The following CCDC196 variants were observed in gnomAD, a reference collection of about 807,000 sequenced individuals.
CCDC196 encodes coiled-coil domain-containing protein 196.
intron 6 of CCDC196, 47 bp downstream of exon 6, chr14:66,491,151 T>C: frequency 2.4e-6 from 1 of 412,276 alleles, no homozygotes; most frequent in South Asian, 1.3e-4. Flanking sequence ...GCTAGTAAAC[T>C]AGAAATCTTT....
intron 8 of CCDC196, among the ~76,000 whole-genome samples, chr14:66,495,136 A>C (rs1446942658): frequency 6.6e-6 from 1 of 152,086 alleles, no homozygotes; most frequent in Non-Finnish European, 1.5e-5. Flanking sequence ...TAATTTTCTC[A>C]CTGTGATTTA....
intron 8 of CCDC196, chr14:66,496,173 G>A (rs1344239503): frequency 2.3e-6 from 1 of 438,594 alleles, no homozygotes; most frequent in East Asian, 7.0e-5. Context: ...CTTAGAGAAA[G>A]GGTGGAATAT....
Position 66,490,821 on chromosome 14 carries a change from C to T in CCDC196, c.429+2C>T, listed in dbSNP as rs2057517339. 2.5e-6 allele frequency: 1 copy of T among 399,900 alleles called. No individual in the cohort carries two copies. Among genetic ancestry groups the T allele is most frequent in the African/African-American group, 2.1e-5 (1 of 48,628 alleles). 24.8% of individuals were successfully genotyped at this position (399,900 alleles called of 1,614,324 possible). A position where few individuals can be genotyped will look rare whatever the true frequency, so the allele number is the denominator to read the frequency against. On this transcript the variant is annotated splice_donor_variant, in intron 5 of 9. Coordinates refer to ENST00000636229, the MANE Select transcript of CCDC196 (RefSeq NM_001351576.1). LOFTEE classifies it low-confidence loss of function (GC_TO_GT_DONOR). ...AAGGCAGACTTGCAGGATGGAAAGG[C>T]AAGTGGACTGCATGTACTTAAAATT...
In CCDC196 at chr14:66,488,150, TTTC is replaced by T. The variant is rs2057452292; in HGVS notation, c.204-5_204-3del. 3 of 412,918 alleles carry T rather than the reference TTTC, an allele frequency of 7.3e-6. No homozygotes were observed. Among genetic ancestry groups the T allele is most frequent in the Middle Eastern group, 6.2e-4 (1 of 1,610 alleles). 25.6% of individuals were successfully genotyped at this position (412,918 alleles called of 1,614,324 possible). ...GTATGTATGTTTTATGATGCCTCTC[TTTC>T]TTCTAGTCTTCAGATCATGAGACAG... On this transcript the variant is annotated splice_polypyrimidine_tract_variant and splice_region_variant and intron_variant, in intron 2 of 9. Coordinates refer to ENST00000636229, the MANE Select transcript of CCDC196 (RefSeq NM_001351576.1).
At chr14:66,493,566 T>C (rs2057592761) in intron 8 of CCDC196, among the ~76,000 whole-genome samples, 1 of 152,224 alleles carries the variant, frequency 6.6e-6, no homozygotes, top group African/African-American at 2.4e-5. Flanking sequence ...GTTTCTCCTC[T>C]GTTCTTTGGC....
Position 66,486,725 on chromosome 14 carries a change from T to G in CCDC196, c.119T>G (p.Leu40Arg). 2.4e-6 allele frequency: 1 copy of G among 413,460 alleles called. No homozygotes were observed. Among genetic ancestry groups the G allele is most frequent in the Admixed American group, 4.4e-5 (1 of 22,732 alleles). 25.6% of individuals were successfully genotyped at this position (413,460 alleles called of 1,614,324 possible). ...GACTTAAAGCTAAGGAAGCAGGAACTGCTAGAGATGCTCAAACCTCTAGAA... is the reference window on the plus strand; with the variant it reads ...GACTTAAAGCTAAGGAAGCAGGAACGGCTAGAGATGCTCAAACCTCTAGAA... The part of the protein sequence containing the change: ...NEDLKLRKQE[L>R]LEMLKPLEDK... Residue 40 changes from leucine (L) to arginine (R), a missense_variant, in exon 2 of 10, where the codon CTG becomes CGG. By Grantham distance (102) the Leu-to-Arg change is moderately radical. Transcript: ENST00000636229.
rs1036863115 is a variant in CCDC196, at chr14:66,498,346, T to C, written c.775-7T>C. The stretch of plus-strand genomic sequence containing the variant: ...CTGTCCTTTTTCCTCTGTTTTTTCC[T>C]GTCTAGAGAATTCTGGGAACAAAGA... On this transcript the variant is annotated splice_region_variant and splice_polypyrimidine_tract_variant and intron_variant, in intron 9 of 9. Coordinates refer to ENST00000636229, the MANE Select transcript of CCDC196 (RefSeq NM_001351576.1). 4.9e-6 allele frequency: 2 copies of C among 411,732 alleles called. No homozygotes were observed. Among genetic ancestry groups the C allele is most frequent in the African/African-American group, 4.2e-5 (2 of 48,184 alleles). The allele number at this position is 411,732 out of a possible 1,614,324, so 25.5% of individuals were successfully genotyped here.
chr14:66,493,179 C>T (rs2057582608), intron 8 of CCDC196, among the ~76,000 whole-genome samples: 1 of 152,054 alleles, frequency 6.6e-6, no homozygotes, highest in Non-Finnish European at 1.5e-5. Context: ...TTCTGTAAAG[C>T]GCTTAAACAG....
In CCDC196 at chr14:66,486,672, T is replaced by C. The variant is rs1016552992; in HGVS notation, c.66T>C (p.Asp22=). 1 of 413,232 alleles carries C rather than the reference T, an allele frequency of 2.4e-6. No individual in the cohort carries two copies. Among genetic ancestry groups the C allele is most frequent in the African/African-American group, 2.1e-5 (1 of 48,578 alleles). 25.6% of individuals were successfully genotyped at this position (413,232 alleles called of 1,614,324 possible). ...CTTCCCACAGAAGTTCTAAAATAGA[T>C]GACAACTACTTGAAGGAATTGAATG... is the stretch of plus-strand genomic sequence containing the variant. ...LPSEIRSSKI[D]DNYLKELNED... Residue 22 remains aspartate (D), a synonymous_variant, in exon 2 of 10, where the codon GAT becomes GAC. Transcript: ENST00000636229.
intron 2 of CCDC196, among the ~76,000 whole-genome samples, chr14:66,487,909 CTGT>C (rs2139576715): frequency 6.6e-6 from 1 of 152,264 alleles, no homozygotes; most frequent in Admixed American, 6.5e-5. Context: ...CTCTCCCTGG[CTGT>C]TGGAGACCTA....
intron 4 of CCDC196, among the ~76,000 whole-genome samples, chr14:66,489,793 C>T (rs991529403): frequency 3.9e-5 from 6 of 152,140 alleles, no homozygotes; most frequent in Non-Finnish European, 5.9e-5. Context: ...ACAGCAATCA[C>T]CACATTGTTT....
intron 5 of CCDC196, 88 bp from the exon 6 acceptor site, chr14:66,490,933 T>C (rs969111440): frequency 4.8e-5 from 20 of 412,556 alleles, no homozygotes; most frequent in Non-Finnish European, 8.0e-5. Flanking sequence ...ATCTGGGTTT[T>C]TAGGGTTTAT....
At position 66,486,431 on chromosome 14, in the gene CCDC196, G is replaced by A. The variant is rs902616032; in HGVS notation, c.-72G>A. On this transcript the variant is annotated 5_prime_UTR_variant, in exon 1 of 10. It removes an upstream start codon present in the reference 5' UTR. Transcript: ENST00000636229. ...TCAAGAACAGCAGCACAAAAATAATGACTTAACTGGATAGAAAAAAAGGCA... is the reference window on the plus strand; with the variant it reads ...TCAAGAACAGCAGCACAAAAATAATAACTTAACTGGATAGAAAAAAAGGCA... 29 of 399,810 alleles carry A rather than the reference G, an allele frequency of 7.3e-5. No homozygotes were observed. Among genetic ancestry groups the A allele is most frequent in the Middle Eastern group, 1.2e-3 (2 of 1,608 alleles). The allele number at this position is 399,810 out of a possible 1,614,324, so 24.8% of individuals were successfully genotyped here.
At position 66,488,968 on chromosome 14, in the gene CCDC196, G is replaced by C; in HGVS notation, c.301-19G>C. On this transcript the variant is annotated intron_variant, in intron 3 of 9. Transcript: ENST00000636229. ...ACAAATACATGCTTCTGTTTGTTTG[G>C]TTCTTCCCCCTCCAACAGGAAAGGA... 1 of 413,104 alleles carries C rather than the reference G, an allele frequency of 2.4e-6. No individual in the cohort carries two copies. The highest frequency in any genetic ancestry group is 4.4e-6 in the Non-Finnish European group (1 of 225,936). The allele number at this position is 413,104 out of a possible 1,614,324, so 25.6% of individuals were successfully genotyped here. A position where few individuals can be genotyped will look rare whatever the true frequency, so the allele number is the denominator to read the frequency against.
Position 66,488,234 on chromosome 14 carries a change from C to T in CCDC196, c.278C>T (p.Ala93Val). The T allele has an allele frequency of 2.4e-6, 1 of 413,086 alleles. No homozygotes were observed. Among genetic ancestry groups the T allele is most frequent in the Admixed American group, 4.4e-5 (1 of 22,716 alleles). 25.6% of individuals were successfully genotyped at this position (413,086 alleles called of 1,614,324 possible). A position where few individuals can be genotyped will look rare whatever the true frequency, so the allele number is the denominator to read the frequency against. ...ESSVMELLKE[A>V]EEMKQNLERK... ...TCGGTCATGGAGCTCCTTAAGGAAG[C>T]AGAGGAGATGAAACAGAACTTGGTA... is the stretch of plus-strand genomic sequence containing the variant. Residue 93 changes from alanine to valine, a missense_variant, in exon 3 of 10, where the codon GCA becomes GTA. Ala to Val is a moderately conservative substitution (Grantham distance 64). Coordinates refer to ENST00000636229, the MANE Select transcript of CCDC196 (RefSeq NM_001351576.1).
intron 4 of CCDC196, among the ~76,000 whole-genome samples, chr14:66,489,515 C>A (rs2057489196): frequency 6.6e-6 from 1 of 152,268 alleles, no homozygotes; most frequent in Non-Finnish European, 1.5e-5. Flanking sequence ...AGGGCATCCT[C>A]CTCCCCTTTT....
chr14:66,497,238 A>G (rs910707707), intron 8 of CCDC196, among the ~76,000 whole-genome samples: 3 of 152,182 alleles, frequency 2.0e-5, no homozygotes, highest in African/African-American at 7.2e-5. Context: ...AATAGGTTAT[A>G]AAGTTAATTT....
Position 66,490,768 on chromosome 14 carries a change from TC to T in CCDC196, c.379del (p.Gln127AsnfsTer40). 1 of 399,480 alleles carries T rather than the reference TC, an allele frequency of 2.5e-6. No individual in the cohort carries two copies. The allele number at this position is 399,480 out of a possible 1,614,324, so 24.7% of individuals were successfully genotyped here. A position where few individuals can be genotyped will look rare whatever the true frequency, so the allele number is the denominator to read the frequency against. On this transcript the variant is annotated frameshift_variant, in exon 5 of 10. Transcript: ENST00000636229. LOFTEE classifies it high-confidence loss of function. ...KTFEAEELSD[Q>X]QKAPQTKNKA... ...CATTCGAGGCAGAAGAACTTAGTGA[TC>T]AACAAAAAGCACCACAGACAAAAAA...
At position 66,491,111 on chromosome 14, in the gene CCDC196, C is replaced by T. The variant is rs1366859013; in HGVS notation, c.513+7C>T. On this transcript the variant is annotated splice_region_variant and intron_variant, in intron 6 of 9. Transcript: ENST00000636229. The stretch of plus-strand genomic sequence containing the variant: ...AGTGAAGGAGATAAGGAAGGTAGTA[C>T]AGCCATTCTGAATGGCAGTGGCTTT... The T allele has an allele frequency of 4.8e-6, 2 of 413,238 alleles. No homozygotes were observed. The highest frequency in any genetic ancestry group is 8.8e-6 in the Non-Finnish European group (2 of 226,112). 25.6% of individuals were successfully genotyped at this position (413,238 alleles called of 1,614,324 possible). A position where few individuals can be genotyped will look rare whatever the true frequency, so the allele number is the denominator to read the frequency against.
Sources: gnomAD v4.1 joint callset for allele counts (sites outside exome capture counted in the v4.1 genomes callset) on GRCh38, gnomAD v4.1.1 for gene constraint, MANE v1.5 for transcripts, NCBI Gene and HGNC (gene_info 2026-07-23, HGNC 2026-07-21) for gene names.